HDAC4: variants seen among roughly 807,000 people sequenced by gnomAD.
HDAC4 encodes histone deacetylase 4, also known as histone deacetylase A.
Under a neutral mutation model 135.1 loss-of-function variants are expected in HDAC4, and 16 were observed. That is an observed-to-expected ratio of 0.12 (90% CI 0.08 to 0.18). The LOEUF (loss-of-function observed/expected upper bound fraction) is 0.18. Among genes scored for constraint, HDAC4 ranks in the 10% least tolerant of loss-of-function variants. The pLI is 1.00. For missense variants in HDAC4, 1,143 were observed against 1,511.8 expected (o/e 0.76, Z 4.05); for synonymous variants, 685 against 653.4 (o/e 1.05, Z -0.74).
At chr2:239,244,319 C>A (rs2048352435) in intron 2 of HDAC4, among the ~76,000 whole-genome samples, 1 of 152,170 alleles carries the variant, frequency 6.6e-6, no homozygotes, top group Non-Finnish European at 1.5e-5. Context: ...AGGAAAACAG[C>A]CTCTTGGCCT....
chr2:239,277,716 G>A (rs1024873760), intron 2 of HDAC4, among the ~76,000 whole-genome samples: 2 of 152,258 alleles, frequency 1.3e-5, no homozygotes, highest in South Asian at 2.1e-4. Context: ...TGTCTGCTTT[G>A]GAAAGACACT....
chr2:239,141,590 C>T lies in HDAC4; in HGVS notation c.866-1794G>A, dbSNP rs888372329. Among the ~76,000 whole-genome samples the T allele has an allele frequency of 6.6e-6, 1 of 152,176 alleles. No individual in the cohort carries two copies. The highest frequency in any genetic ancestry group is 1.5e-5 in the Non-Finnish European group (1 of 68,036). On this transcript the variant is annotated intron_variant, in intron 8 of 26. Transcript: ENST00000543185. This position sits in a 1 kb window ranked among gnomAD's most constrained non-coding sequence, Gnocchi z 4.9. ...CTCAAGAAAGCAGGACCCGCCTTCT[C>T]CAGGCCCCTCCAACTCTCCCATCTC... is the stretch of plus-strand genomic sequence containing the variant.
chr2:239,353,657 T>C (rs1486679498), intron 1 of HDAC4, among the ~76,000 whole-genome samples: 1 of 152,216 alleles, frequency 6.6e-6, no homozygotes, highest in Non-Finnish European at 1.5e-5. Flanking sequence ...TCAAAATATC[T>C]GATCTAGAGA....
chr2:239,378,141 G>T (rs376876584), intron 1 of HDAC4, among the ~76,000 whole-genome samples: 1 of 152,174 alleles, frequency 6.6e-6, no homozygotes, highest in African/African-American at 2.4e-5. Context: ...GACATGCCCT[G>T]TGCACATAGA....
intron 2 of HDAC4, among the ~76,000 whole-genome samples, chr2:239,346,473 A>G (rs1692679362): frequency 6.7e-6 from 1 of 148,632 alleles, no homozygotes; most frequent in African/African-American, 2.5e-5. Flanking sequence ...TCCTGTCCAA[A>G]ACACACACCC....
chr2:239,135,192 C>T (rs1466447803), intron 9 of HDAC4, among the ~76,000 whole-genome samples: 2 of 152,192 alleles, frequency 1.3e-5, no homozygotes, highest in Non-Finnish European at 2.9e-5. Context: ...TTACAAATTG[C>T]ATGCCTGTAT....
intron 2 of HDAC4, among the ~76,000 whole-genome samples, chr2:239,344,592 C>T (rs984915839): frequency 6.6e-6 from 1 of 152,046 alleles, no homozygotes; most frequent in African/African-American, 2.4e-5. Context: ...CCAGAACAAA[C>T]CTTGACTGAT....
chr2:239,361,901 C>G (rs1026911398), intron 1 of HDAC4, among the ~76,000 whole-genome samples: 1 of 152,192 alleles, frequency 6.6e-6, no homozygotes, highest in Middle Eastern at 3.2e-3. Flanking sequence ...TAGAGAACTA[C>G]GATGATCACT....
chr2:239,248,728 T>C (rs1559282353), intron 2 of HDAC4, among the ~76,000 whole-genome samples: 1 of 152,176 alleles, frequency 6.6e-6, no homozygotes, highest in Non-Finnish European at 1.5e-5. Flanking sequence ...GATACTGTTA[T>C]TGTCCCCATT....
chr2:239,080,227 G>A (rs1457911776), intron 22 of HDAC4, among the ~76,000 whole-genome samples: 2 of 152,202 alleles, frequency 1.3e-5, no homozygotes, highest in African/African-American at 4.8e-5. Context: ...CTGCACACGT[G>A]CGTTTTATAT....
intron 17 of HDAC4, among the ~76,000 whole-genome samples, chr2:239,090,431 C>CTTTTTTTTTTTT (rs76486832): frequency 7.5e-6 from 1 of 132,610 alleles, no homozygotes; most frequent in Non-Finnish European, 1.6e-5. Context: ...GATCTATTTC[C>CTTTTTTTTTTTT]TTTTTTTTTT....
chr2:239,053,738 G>C lies in HDAC4; in HGVS notation c.3089-137C>G. The C allele has an allele frequency of 8.6e-6, 6 of 698,776 alleles. No homozygotes were observed. The South Asian group carries it at 1.1e-4, about 13-fold the overall frequency. The allele number at this position is 698,776 out of a possible 1,614,324, so 43.3% of individuals were successfully genotyped here. ...GATTTTAAAAGCACCCGTCTTTGAA[G>C]AGACACGAAGCAGAAGACTGCATGG... is the stretch of plus-strand genomic sequence containing the variant. On this transcript the variant is annotated intron_variant, in intron 25 of 26. Transcript: ENST00000543185.
chr2:239,094,205 G>A (rs1384790739), intron 17 of HDAC4: 3 of 985,290 alleles, frequency 3.0e-6, no homozygotes, highest in African/African-American at 3.5e-5. Flanking sequence ...CTGCTCGGAC[G>A]CTCCGCCTCA....
chr2:239,388,336 TC>T (rs1386331299), intron 1 of HDAC4, among the ~76,000 whole-genome samples: 1 of 152,166 alleles, frequency 6.6e-6, no homozygotes, highest in African/African-American at 2.4e-5. Flanking sequence ...ATCCACCTAA[TC>T]CCAAAGCACA....
At chr2:239,053,233 C>T (rs1204384832) in intron 26 of HDAC4, 97 bp from the exon 27 acceptor site, 3 of 1,496,004 alleles carry the variant, frequency 2.0e-6, no homozygotes, top group Admixed American at 1.8e-5. Context: ...TGCTGCCCCA[C>T]CCGCCAGCCT....
chr2:239,314,325 A>T (rs2053025712), intron 2 of HDAC4, among the ~76,000 whole-genome samples: 1 of 152,202 alleles, frequency 6.6e-6, no homozygotes, highest in Non-Finnish European at 1.5e-5. Flanking sequence ...ACACATACGA[A>T]GGACACTCGA....
At chr2:239,201,799 C>T (rs2045771428) in intron 3 of HDAC4, among the ~76,000 whole-genome samples, 1 of 152,192 alleles carries the variant, frequency 6.6e-6, no homozygotes, top group South Asian at 2.1e-4. Context: ...ACAATTAATA[C>T]CAGGTGTGCA....
At position 239,139,844 on chromosome 2, in the gene HDAC4, G is replaced by C. The variant is rs370472716; in HGVS notation, c.866-48C>G. 5 of 1,536,390 alleles carry C rather than the reference G, an allele frequency of 3.3e-6. No homozygotes were observed. Among genetic ancestry groups the C allele is most frequent in the Admixed American group, 3.3e-5 (2 of 59,836 alleles). On this transcript the variant is annotated intron_variant, in intron 8 of 26. Coordinates refer to ENST00000543185, the MANE Select transcript of HDAC4 (RefSeq NM_001378414.1). This position sits in a 1 kb window ranked among gnomAD's most constrained non-coding sequence, Gnocchi z 5.3. ...GTGAGTGTTACTCCATGCGGAGGGA[G>C]GGCCGTGCTGACCTGTGGCCCGAAT...
intron 24 of HDAC4, 69 bp downstream of exon 24, chr2:239,066,653 G>A (rs537227393): frequency 7.5e-6 from 12 of 1,608,320 alleles, no homozygotes; most frequent in East Asian, 4.5e-5. Flanking sequence ...TGGGGCTCTC[G>A]GGCAGCCAGG....
Sources: gnomAD v4.1 joint callset for allele counts (sites outside exome capture counted in the v4.1 genomes callset) on GRCh38, gnomAD v4.1.1 for gene constraint, Gnocchi (gnomAD v3.1) non-coding constraint, MANE v1.5 for transcripts, NCBI Gene and HGNC (gene_info 2026-07-23, HGNC 2026-07-21) for gene names.